The following NIPA1 variants were observed in gnomAD, a reference collection of about 807,000 sequenced individuals.
NIPA1 encodes the protein magnesium transporter NIPA1.
In NIPA1, 13 loss-of-function variants were observed where a neutral mutation model predicts 23.9. The ratio of observed to expected loss-of-function variants is 0.54; its 90% CI spans 0.35 to 0.87. The LOEUF (loss-of-function observed/expected upper bound fraction) is 0.87, where lower values mean the gene tolerates loss of function less well. Ranked by LOEUF, NIPA1 falls within the 40% of genes least tolerant of loss-of-function variation. The pLI, the probability that NIPA1 is intolerant of heterozygous loss-of-function variation, is 0.01. For missense variants in NIPA1, 362 were observed against 429.7 expected (o/e 0.84, Z 1.39); for synonymous variants, 234 against 202.9 (o/e 1.15, Z -1.30).
chr15:22,804,449 T>C (rs1202844547), intron 1 of NIPA1, among the ~76,000 whole-genome samples: 1 of 152,076 alleles, frequency 6.6e-6, no homozygotes. Flanking sequence ...AGCACGAATG[T>C]TTAGTTTTGT....
chr15:22,823,803 C>G lies in NIPA1; in HGVS notation c.554C>G (p.Pro185Arg). 6.2e-7 allele frequency: 1 copy of G among 1,613,948 alleles called. No homozygotes were observed. Residue 185 changes from proline to arginine, a missense_variant, in exon 5 of 5, where the codon CCC becomes CGC. Transcript: ENST00000337435. Reference protein sequence around the residue: ...LIFWIAPAHGPTNIMVYISIC... With the variant: ...LIFWIAPAHGRTNIMVYISIC... ...TTCTGGATCGCGCCGGCCCATGGGC[C>G]CACCAACATCATGGTCTACATCAGC...
rs932744548 is a variant in NIPA1 at position 22,827,569 on chromosome 15, A to T, written c.*3330A>T. On this transcript the variant is annotated 3_prime_UTR_variant, in exon 5 of 5. Coordinates refer to ENST00000337435, the MANE Select transcript of NIPA1 (RefSeq NM_144599.5). ...GCAGCTCTTTGTTCAGCAATAAGGA[A>T]TATTCTTTCAATTCCTGCTCTTCAA... The T allele has an allele frequency of 6.6e-6, 1 of 152,180 alleles. No homozygotes were observed. The highest frequency in any genetic ancestry group is 1.5e-5 in the Non-Finnish European group (1 of 68,034). 9.4% of individuals were successfully genotyped at this position (152,180 alleles called of 1,614,324 possible).
intron 3 of NIPA1, among the ~76,000 whole-genome samples, chr15:22,817,668 A>G (rs1403525265): frequency 2.0e-5 from 3 of 149,356 alleles, no homozygotes; most frequent in Non-Finnish European, 3.0e-5. Context: ...AGCCGGGCGT[A>G]GTGGCAGGCA....
At chr15:22,822,838 A>C (rs572162845) in intron 4 of NIPA1, among the ~76,000 whole-genome samples, 1 of 152,112 alleles carries the variant, frequency 6.6e-6, no homozygotes, top group African/African-American at 2.4e-5. Flanking sequence ...CAAAAAAACA[A>C]AACAAACAAC....
intron 1 of NIPA1, among the ~76,000 whole-genome samples, chr15:22,803,741 G>A (rs1212291345): frequency 3.5e-5 from 5 of 144,230 alleles, no homozygotes; most frequent in African/African-American, 5.2e-5. Context: ...GTGTAGTGGC[G>A]TGATCTCAGC....
Position 22,788,919 on chromosome 15 carries a change from T to TAAAA in NIPA1, c.178+2100_178+2103dup, listed in dbSNP as rs199860403. On this transcript the variant is annotated intron_variant, in intron 1 of 4. Coordinates refer to ENST00000337435, the MANE Select transcript of NIPA1 (RefSeq NM_144599.5). ...GAGCGAGAAGAACAAGGCTCTGTCT[T>TAAAA]AAAAAAAAAAAAAAAAAAGATAAAT... 3.0e-3 allele frequency among the ~76,000 whole-genome samples: 239 copies of TAAAA among 78,800 alleles called. 8 individuals carry two copies. Among genetic ancestry groups the TAAAA allele is most frequent in the African/African-American group, 0.01 (204 of 19,580 alleles). 51.7% of individuals were successfully genotyped at this position (78,800 alleles called of 152,430 possible).
At chr15:22,820,517 A>T (rs1258792356) in intron 4 of NIPA1, 44 bp downstream of exon 4, 2 of 1,517,618 alleles carry the variant, frequency 1.3e-6, no homozygotes, top group Non-Finnish European at 9.2e-7. Flanking sequence ...TTGCAGTAGG[A>T]GTGCCAACTT....
At chr15:22,803,609 A>G (rs1369837789) in intron 1 of NIPA1, among the ~76,000 whole-genome samples, 1 of 140,148 alleles carries the variant, frequency 7.1e-6, no homozygotes, top group East Asian at 2.2e-4. Context: ...CCCTGGTTCA[A>G]GTGATTCTCC....
chr15:22,789,788 G>T (rs1157848849), intron 1 of NIPA1, among the ~76,000 whole-genome samples: 1 of 152,018 alleles, frequency 6.6e-6, no homozygotes. Flanking sequence ...GCAAGGTTTA[G>T]AGCAGGAATG....
chr15:22,791,673 AG>A (rs1459104545), intron 1 of NIPA1, among the ~76,000 whole-genome samples: 1 of 151,712 alleles, frequency 6.6e-6, no homozygotes, highest in Non-Finnish European at 1.5e-5. Flanking sequence ...GAGTAGAGGC[AG>A]GGTTTCACCA....
chr15:22,810,295 A>G (rs1399179110), intron 1 of NIPA1, among the ~76,000 whole-genome samples: 1 of 152,186 alleles, frequency 6.6e-6, no homozygotes, highest in Non-Finnish European at 1.5e-5. Context: ...GAGTCGTATC[A>G]GAAGAGTTAT....
intron 1 of NIPA1, among the ~76,000 whole-genome samples, chr15:22,794,277 C>T (rs915888714): frequency 2.2e-5 from 3 of 139,310 alleles, no homozygotes; most frequent in Admixed American, 8.2e-5. Context: ...CCGGTGATTC[C>T]GCTTATGTGA....
intron 3 of NIPA1, chr15:22,813,759 G>T: frequency 2.2e-6 from 1 of 448,668 alleles, no homozygotes; most frequent in Non-Finnish European, 4.5e-6. Flanking sequence ...GACGCCTTGA[G>T]AATGTGTGTG....
intron 1 of NIPA1, among the ~76,000 whole-genome samples, chr15:22,809,670 G>A (rs535289548): frequency 3.3e-5 from 5 of 151,704 alleles, no homozygotes; most frequent in Admixed American, 2.0e-4. Context: ...GTTTGAACCC[G>A]GAAAGTGGAG....
chr15:22,811,248 AAAT>A (rs1469742674), intron 2 of NIPA1, among the ~76,000 whole-genome samples: 2 of 152,192 alleles, frequency 1.3e-5, no homozygotes, highest in Non-Finnish European at 2.9e-5. Context: ...ATGTAAAGAT[AAAT>A]AATAATATTA....
chr15:22,814,123 A>AT (rs1157221448), intron 3 of NIPA1: 1 of 1,267,940 alleles, frequency 7.9e-7, no homozygotes, highest in Non-Finnish European at 1.0e-6. Context: ...GGTGTTCTGG[A>AT]TAAAAAGCCT....
In NIPA1 at chr15:22,793,073, C is replaced by T. The variant is rs561038436; in HGVS notation, c.178+6239C>T. ...GAGACTCTGTCTCAAAAATCCCGGGCGTGCGGTGGCTCATGCCTATAATCA... is the reference window on the plus strand; with the variant it reads ...GAGACTCTGTCTCAAAAATCCCGGGTGTGCGGTGGCTCATGCCTATAATCA... On this transcript the variant is annotated intron_variant, in intron 1 of 4. Coordinates refer to ENST00000337435, the MANE Select transcript of NIPA1 (RefSeq NM_144599.5). Among the ~76,000 whole-genome samples, 220 of 151,504 alleles carry T rather than the reference C, an allele frequency of 1.5e-3. 3 individuals carry two copies. In the South Asian group the frequency reaches 0.03, roughly 21 times the overall value.
intron 1 of NIPA1, among the ~76,000 whole-genome samples, chr15:22,810,027 CAA>C (rs1895288712): frequency 6.7e-6 from 1 of 148,606 alleles, no homozygotes; most frequent in South Asian, 2.1e-4. Context: ...GCCTGGGCAA[CAA>C]GAGTGAAACT....
chr15:22,813,634 C>CT (rs1468830999), intron 3 of NIPA1: 2 of 456,046 alleles, frequency 4.4e-6, no homozygotes, highest in South Asian at 3.1e-5. Context: ...GTATTCCAGA[C>CT]AGATGCCCAA....
Sources: gnomAD v4.1 joint callset for allele counts (sites outside exome capture counted in the v4.1 genomes callset) on GRCh38, gnomAD v4.1.1 for gene constraint, MANE v1.5 for transcripts, NCBI Gene and HGNC (gene_info 2026-07-23, HGNC 2026-07-21) for gene names.